BLTP1: variants seen among roughly 807,000 people sequenced by gnomAD.
The protein encoded by BLTP1 is fragile site-associated protein.
chr4:122,220,547 T>A, the BLTP1 span: 1 of 1,229,344 alleles, frequency 8.1e-7, no homozygotes, highest in Non-Finnish European at 1.1e-6. Context: ...ATGTATTAGC[T>A]TCTGTGCATG....
At chr4:122,239,235 G>T in the BLTP1 span, among the ~76,000 whole-genome samples, 1 of 152,108 alleles carries the variant, frequency 6.6e-6, no homozygotes, top group Non-Finnish European at 1.5e-5. Context: ...CTTTATAAGT[G>T]CATTAGTGTC....
chr4:122,261,024 G>C, the BLTP1 span, among the ~76,000 whole-genome samples: 1 of 152,156 alleles, frequency 6.6e-6, no homozygotes, highest in African/African-American at 2.4e-5. Context: ...TTTATGTAAA[G>C]ATAGATAAGA....
At chr4:122,254,714 A>G in the BLTP1 span, 2 of 1,278,508 alleles carry the variant, frequency 1.6e-6, no homozygotes, top group African/African-American at 1.5e-5. Context: ...TTGCCTGAGT[A>G]AAACAACCAC....
At chr4:122,281,569 A>T in the BLTP1 span, 4 of 1,611,200 alleles carry the variant, frequency 2.5e-6, no homozygotes, top group Non-Finnish European at 3.4e-6. Context: ...TTGCAACCCC[A>T]CTACCTTCTG....
chr4:122,245,423 A>C, the BLTP1 span, among the ~76,000 whole-genome samples: 17 of 152,174 alleles, frequency 1.1e-4, 1 homozygote. Flanking sequence ...CTTTGGCCCT[A>C]AGTGAATGAA....
the BLTP1 span, chr4:122,336,393 T>A: frequency 1.5e-6 from 2 of 1,359,424 alleles, no homozygotes; most frequent in African/African-American, 1.5e-5. Context: ...AACATATATT[T>A]TGGGATCTTA....
chr4:122,308,238 A>T, the BLTP1 span: 106 of 1,482,830 alleles, frequency 7.1e-5, no homozygotes, highest in Middle Eastern at 1.2e-3. Context: ...TTAGAATATA[A>T]CAGTACATTT....
chr4:122,317,753 G>A, the BLTP1 span, among the ~76,000 whole-genome samples: 1 of 151,708 alleles, frequency 6.6e-6, no homozygotes, highest in African/African-American at 2.4e-5. Flanking sequence ...TTTTCCTGTT[G>A]ACTTACATTA....
At chr4:122,189,976 G>A in the BLTP1 span, 1 of 1,596,692 alleles carries the variant, frequency 6.3e-7, no homozygotes, top group Non-Finnish European at 8.5e-7. Context: ...TGTTTAGTTT[G>A]CTTTCCCCTC....
chr4:122,222,442 T>A, the BLTP1 span, among the ~76,000 whole-genome samples: 1 of 152,182 alleles, frequency 6.6e-6, no homozygotes, highest in Admixed American at 6.5e-5. Context: ...TCATCTTATG[T>A]ATTAATTTCA....
the BLTP1 span, among the ~76,000 whole-genome samples, chr4:122,321,979 ATTTTTTTTTTTTTTTTTTT>A: frequency 2.4e-3 from 66 of 27,020 alleles, no homozygotes; most frequent in East Asian, 7.5e-3. Flanking sequence ...ACTACATGTA[ATTTTTTTTTTTTTTTTTTT>A]TTTTTTTTTT....
the BLTP1 span, chr4:122,167,875 C>A: frequency 2.0e-6 from 2 of 985,352 alleles, no homozygotes; most frequent in Non-Finnish European, 2.4e-6. Flanking sequence ...GAGGAAACAA[C>A]CAGTTTGTAT....
At chr4:122,340,154 T>C in the BLTP1 span, among the ~76,000 whole-genome samples, 50 of 152,256 alleles carry the variant, frequency 3.3e-4, no homozygotes, top group Admixed American at 3.9e-4. Flanking sequence ...TAGGAGACAA[T>C]TTTGATAGTC....
At chr4:122,249,509 CT>C in the BLTP1 span, 1 of 1,613,422 alleles carries the variant, frequency 6.2e-7, no homozygotes, top group Non-Finnish European at 8.5e-7. Flanking sequence ...GCAATCACTG[CT>C]ATTCCTTTTG....
chr4:122,250,134 T>C, the BLTP1 span: 1 of 434,562 alleles, frequency 2.3e-6, no homozygotes, highest in Non-Finnish European at 3.1e-6. Flanking sequence ...GTATAACACT[T>C]TTTTTAGGTT....
At chr4:122,344,706 A>G in the BLTP1 span, 8 of 1,224,824 alleles carry the variant, frequency 6.5e-6, no homozygotes, top group South Asian at 1.1e-4. Context: ...TGCCCAGCCT[A>G]CGGTACTGTG....
the BLTP1 span, chr4:122,204,412 A>G: frequency 2.4e-6 from 2 of 828,374 alleles, no homozygotes; most frequent in Non-Finnish European, 2.9e-6. Context: ...TTATCTTCAC[A>G]TAACTCTAAA....
the BLTP1 span, chr4:122,350,201 C>T: frequency 8.3e-6 from 12 of 1,438,368 alleles, no homozygotes; most frequent in South Asian, 1.6e-4. Flanking sequence ...TTATCTCACT[C>T]AGTTAGCAAA....
chr4:122,183,591 C>T, the BLTP1 span: 1 of 867,372 alleles, frequency 1.2e-6, no homozygotes, highest in African/African-American at 1.8e-5. Flanking sequence ...ACAAGGAGCA[C>T]TGGACTAGAA....
Sources: gnomAD v4.1 joint callset for allele counts (sites outside exome capture counted in the v4.1 genomes callset) on GRCh38, gnomAD v4.1.1 for gene constraint, MANE v1.5 for transcripts, NCBI Gene and HGNC (gene_info 2026-07-23, HGNC 2026-07-21) for gene names.